UBE2F: variants seen among roughly 807,000 people sequenced by gnomAD.
UBE2F encodes the protein ubiquitin conjugating enzyme E2 F (putative), also known as NEDD8-conjugating enzyme UBE2F.
In UBE2F, 5 loss-of-function variants were observed where a neutral mutation model predicts 29.6. That is an observed-to-expected ratio of 0.17 (90% confidence interval 0.09 to 0.36). The LOEUF (loss-of-function observed/expected upper bound fraction) is 0.36, where lower values mean the gene tolerates loss of function less well. UBE2F is among the 10% of genes least tolerant of loss of function. The pLI is 1.00. For missense variants in UBE2F, 141 were observed against 228.5 expected (o/e 0.62, Z 2.47); for synonymous variants, 66 against 81.8 (o/e 0.81, Z 1.04).
chr2:238,030,457 G>A (rs532179364), intron 6 of UBE2F, 99 bp from the exon 7 acceptor site: 2 of 793,094 alleles, frequency 2.5e-6, no homozygotes, highest in Admixed American at 2.3e-5. Flanking sequence ...TTAATAAAAA[G>A]TAGAGCTCCT....
intron 1 of UBE2F, 100 bp from the exon 2 acceptor site, chr2:237,972,992 G>C: frequency 1.5e-6 from 2 of 1,359,344 alleles, no homozygotes; most frequent in Non-Finnish European, 2.0e-6. Flanking sequence ...CTAAATTGTG[G>C]GAAAAAATCA....
At chr2:237,983,337 T>C (rs1301511235) in intron 2 of UBE2F, among the ~76,000 whole-genome samples, 1 of 152,254 alleles carries the variant, frequency 6.6e-6, no homozygotes, top group African/African-American at 2.4e-5. Flanking sequence ...GGCCAGAGCA[T>C]GTCCTGGCCC....
chr2:237,979,039 A>G (rs1055308021), intron 2 of UBE2F, among the ~76,000 whole-genome samples: 1 of 152,220 alleles, frequency 6.6e-6, no homozygotes, highest in Non-Finnish European at 1.5e-5. Flanking sequence ...GCATACAGTT[A>G]GTGACCCCCA....
intron 4 of UBE2F, 40 bp downstream of exon 4, chr2:237,994,849 C>A: frequency 6.5e-7 from 1 of 1,550,094 alleles, no homozygotes; most frequent in Non-Finnish European, 8.9e-7. Flanking sequence ...TTTCAAACAG[C>A]GAATTATAAA....
At chr2:238,034,461 A>G (rs370532031) in intron 8 of UBE2F, among the ~76,000 whole-genome samples, 85 of 152,168 alleles carry the variant, frequency 5.6e-4, no homozygotes, top group African/African-American at 1.9e-3. Flanking sequence ...GAAATCTGCT[A>G]CAGCCACACT....
chr2:237,987,543 GGCCAAGAAATGCA>G (rs1207669225), intron 2 of UBE2F, among the ~76,000 whole-genome samples: 1 of 152,108 alleles, frequency 6.6e-6, no homozygotes, highest in African/African-American at 2.4e-5. Context: ...AGAGGACTGG[GGCCAAGAAATGCA>G]GCTATGAGGG....
Position 237,982,247 on chromosome 2 carries a change from T to C in UBE2F, c.119-5716T>C, listed in dbSNP as rs538293263. On this transcript the variant is annotated intron_variant, in intron 2 of 9. Transcript: ENST00000272930. This position sits in a 1 kb window ranked among gnomAD's most constrained non-coding sequence, Gnocchi z 4.1. ...TCCTGGCTGTCACTTTGCTGGCCCC[T>C]GAGTGCCTCTTGCTCCCGCACCCCT... Among the ~76,000 whole-genome samples the C allele has an allele frequency of 2.6e-4, 40 of 152,300 alleles. No homozygotes were observed. Among genetic ancestry groups the C allele is most frequent in the South Asian group, 1.2e-3 (6 of 4,828 alleles).
intron 4 of UBE2F, among the ~76,000 whole-genome samples, chr2:238,012,906 C>G (rs1238063391): frequency 6.6e-6 from 1 of 152,232 alleles, no homozygotes; most frequent in African/African-American, 2.4e-5. Flanking sequence ...CCATCAGACT[C>G]CACAGTGTCT....
At chr2:238,025,153 G>A (rs943877151) in intron 5 of UBE2F, 189 bp from the exon 6 acceptor site, 38 of 593,510 alleles carry the variant, frequency 6.4e-5, no homozygotes, top group South Asian at 3.1e-4. Flanking sequence ...TGGATGCAGC[G>A]CATCAACACA....
chr2:238,000,912 T>TA (rs1279170518), intron 4 of UBE2F, among the ~76,000 whole-genome samples: 1 of 152,236 alleles, frequency 6.6e-6, no homozygotes, highest in Non-Finnish European at 1.5e-5. Flanking sequence ...ATGGTGATCT[T>TA]ATCATTTGCT....
At chr2:238,005,389 G>T (rs947188097) in intron 4 of UBE2F, among the ~76,000 whole-genome samples, 4 of 151,998 alleles carry the variant, frequency 2.6e-5, no homozygotes, top group Admixed American at 2.6e-4. Flanking sequence ...TAGAGACAGG[G>T]TTTCACCATG....
chr2:237,990,376 A>G (rs1433436756), intron 3 of UBE2F: 4 of 452,454 alleles, frequency 8.8e-6, no homozygotes, highest in South Asian at 4.8e-5. Flanking sequence ...ACAGGCCCCC[A>G]ACTTGAGCCT....
At chr2:237,973,591 G>A (rs1576586846) in intron 2 of UBE2F, 2 of 1,001,132 alleles carry the variant, frequency 2.0e-6, no homozygotes, top group Non-Finnish European at 2.8e-6. Context: ...TTTCTGCTCT[G>A]TAAAGGGGAA....
intron 4 of UBE2F, among the ~76,000 whole-genome samples, 193 bp downstream of exon 4, chr2:237,995,002 C>T (rs1309341699): frequency 6.6e-6 from 1 of 152,160 alleles, no homozygotes; most frequent in Non-Finnish European, 1.5e-5. Context: ...TTGAGGCATT[C>T]AGTGTACACT....
Position 238,030,482 on chromosome 2 carries a change from G to A in UBE2F, c.354-74G>A, listed in dbSNP as rs551866424. On this transcript the variant is annotated intron_variant, in intron 6 of 9. Coordinates refer to ENST00000272930, the MANE Select transcript of UBE2F (RefSeq NM_080678.3). Reference sequence around the variant, plus strand: ...GTAGAGCTCCTGCATGGCACACACCGAGAGGACTAGTTGGCAGCGTGCAGG... The same window carrying A: ...GTAGAGCTCCTGCATGGCACACACCAAGAGGACTAGTTGGCAGCGTGCAGG... 1.2e-4 allele frequency: 119 copies of A among 1,031,872 alleles called. No homozygotes were observed. In the African/African-American group the frequency reaches 1.7e-3, roughly 15 times the overall value. The allele number at this position is 1,031,872 out of a possible 1,614,324, so 63.9% of individuals were successfully genotyped here.
chr2:237,994,942 G>A (rs1035080507), intron 4 of UBE2F, 133 bp downstream of exon 4: 1 of 682,240 alleles, frequency 1.5e-6, no homozygotes, highest in Non-Finnish European at 2.6e-6. Flanking sequence ...TTCATATGAA[G>A]ATAAGATATA....
At chr2:238,036,259 A>G (rs979152483) in intron 9 of UBE2F, among the ~76,000 whole-genome samples, 5 of 152,110 alleles carry the variant, frequency 3.3e-5, no homozygotes, top group African/African-American at 9.7e-5. Context: ...TGCAGCCTCC[A>G]CCTTCTGGGC....
intron 5 of UBE2F, among the ~76,000 whole-genome samples, chr2:238,017,581 G>T (rs1387252453): frequency 6.6e-6 from 1 of 152,178 alleles, no homozygotes; most frequent in African/African-American, 2.4e-5. Flanking sequence ...CCCCAAGTTG[G>T]GGTATTAGAG....
chr2:238,004,661 A>G (rs2063864935), intron 4 of UBE2F, among the ~76,000 whole-genome samples: 2 of 152,246 alleles, frequency 1.3e-5, no homozygotes, highest in African/African-American at 2.4e-5. Context: ...TGAATGTGTT[A>G]TGTTTCATGG....
Sources: allele counts gnomAD v4.1 joint callset (sites outside exome capture counted in the v4.1 genomes callset), GRCh38; gene constraint gnomAD v4.1.1; non-coding constraint Gnocchi (gnomAD v3.1); transcripts MANE v1.5; gene names NCBI Gene and HGNC (gene_info 2026-07-23, HGNC 2026-07-21).